PTPRS: variants seen among roughly 807,000 people sequenced by gnomAD.
The protein encoded by PTPRS is protein tyrosine phosphatase receptor type S, also known as receptor-type tyrosine-protein phosphatase S.
In PTPRS, 63 loss-of-function variants were observed where a neutral mutation model predicts 215.3. The ratio of observed to expected loss-of-function variants is 0.29; its 90% CI spans 0.24 to 0.36. PTPRS has a LOEUF of 0.36. Among genes scored for constraint, PTPRS ranks in the 10% least tolerant of loss-of-function variants. PTPRS has a pLI of 1.00. For missense variants in PTPRS, 2,258 were observed against 2,825.8 expected (o/e 0.80, Z 4.56); for synonymous variants, 1,404 against 1,191.4 (o/e 1.18, Z -3.68).
rs1387604087 is a variant in PTPRS, at chr19:5,339,477, T to C, written c.-95+1187A>G. Among the ~76,000 whole-genome samples the C allele has an allele frequency of 1.3e-5, 2 of 151,558 alleles. No homozygotes were observed. Among genetic ancestry groups the C allele is most frequent in the African/African-American group, 4.9e-5 (2 of 41,200 alleles). ...CCAGTTTGTGGGAAAGGTTCCCTGA[T>C]TTGAGGATTCTGGAGAGAAAGCGGC... On this transcript the variant is annotated intron_variant, in intron 1 of 37. Transcript: ENST00000262963. The surrounding 1 kb of genome is among the most constrained non-coding windows in gnomAD (Gnocchi z 4.2).
rs1599955516 is a variant in PTPRS at position 5,285,968 on chromosome 19, G to C, written c.91+82C>G. 5 of 1,334,824 alleles carry C rather than the reference G, an allele frequency of 3.7e-6. No individual in the cohort carries two copies. In the East Asian group the frequency reaches 1.2e-4, roughly 33 times the overall value. 82.7% of individuals were successfully genotyped at this position (1,334,824 alleles called of 1,614,324 possible). A position where few individuals can be genotyped will look rare whatever the true frequency, so the allele number is the denominator to read the frequency against. On this transcript the variant is annotated intron_variant, in intron 2 of 37. Coordinates refer to ENST00000262963, the MANE Select transcript of PTPRS (RefSeq NM_002850.4). ...GAGGGCCCCAGGGAGGAGGTGGGGA[G>C]TGTGCCCACACACACACAGCCATAA...
chr19:5,229,713 G>C (rs796253062), intron 14 of PTPRS, 29 bp from the exon 15 acceptor site: 5 of 1,220,296 alleles, frequency 4.1e-6, no homozygotes, highest in African/African-American at 1.6e-5. Context: ...GGGGAGGGGC[G>C]GGCGGAGCCG....
intron 14 of PTPRS, 137 bp downstream of exon 14, chr19:5,231,173 A>T (rs2042979499): frequency 2.2e-6 from 2 of 918,288 alleles, no homozygotes; most frequent in Non-Finnish European, 3.2e-6. Flanking sequence ...TTTCTCGGGG[A>T]GGCTGCTTGC....
intron 13 of PTPRS, among the ~76,000 whole-genome samples, chr19:5,238,465 G>A (rs1047736745): frequency 6.6e-6 from 1 of 152,168 alleles, no homozygotes; most frequent in Non-Finnish European, 1.5e-5. Flanking sequence ...CGGGGAAGGT[G>A]GGTTCGTCTC....
rs533685228 is a variant in PTPRS, at chr19:5,214,373, G to T, written c.4602C>A (p.Phe1534Leu). ...IELATFCVRT[F>L]SLHKNGSSEK... is the part of the protein sequence containing the mutation. ...GCCTGGGCCCCACCTTGTGCAGAGA[G>T]AATGTCCTGACGCAGAATGTGGCCA... Residue 1534 changes from phenylalanine to leucine, a missense_variant, in exon 30 of 38, where the codon TTC (phenylalanine) becomes TTA (leucine). Physicochemically the swap from Phe to Leu is conservative, Grantham distance 22 (BLOSUM62 0). Transcript: ENST00000262963. The T allele has an allele frequency of 6.2e-7, 1 of 1,614,138 alleles. No individual in the cohort carries two copies. Among genetic ancestry groups the T allele is most frequent in the Admixed American group, 1.7e-5 (1 of 60,024 alleles).
At chr19:5,220,630 A>G (rs904430820) in intron 20 of PTPRS, among the ~76,000 whole-genome samples, 2 of 152,202 alleles carry the variant, frequency 1.3e-5, no homozygotes, top group Non-Finnish European at 2.9e-5. Flanking sequence ...ATGCCCACAT[A>G]ACCTTGTAGC....
chr19:5,265,168 G>A lies in PTPRS; in HGVS notation c.408C>T (p.Asn136=), dbSNP rs1274172830. The stretch of plus-strand genomic sequence containing the variant: ...CCTTCAACTGTGGGCCCATGTCGAT[G>A]TTGGGGAAGCCAGAGGGCAGCTGGT... ...REDQLPSGFP[N]IDMGPQLKVV... Residue 136 remains asparagine, a synonymous_variant, in exon 5 of 38, where the codon AAC becomes AAT. Transcript: ENST00000262963. 4 of 1,613,784 alleles carry A rather than the reference G, an allele frequency of 2.5e-6. No individual in the cohort carries two copies. Among genetic ancestry groups the A allele is most frequent in the African/African-American group, 1.3e-5 (1 of 74,928 alleles).
rs963588085 is a variant in PTPRS at position 5,243,953 on chromosome 19, G to A, written c.1518C>T (p.Ser506=). ...TYTVRVLAFT[S]VGDGPLSDPI... is the part of the protein sequence containing the mutation. The stretch of plus-strand genomic sequence containing the variant: ...GGTCCGAGAGGGGCCCGTCGCCGAC[G>A]GAGGTGAAGGCGAGCACCCGCACGG... Residue 506 remains serine (S), a synonymous_variant, in exon 11 of 38, where the codon TCC becomes TCT. Coordinates refer to ENST00000262963, the MANE Select transcript of PTPRS (RefSeq NM_002850.4). 3.8e-6 allele frequency: 6 copies of A among 1,589,806 alleles called. No homozygotes were observed. The highest frequency in any genetic ancestry group is 5.1e-6 in the Non-Finnish European group (6 of 1,172,414).
rs112560949 is a variant in PTPRS, at chr19:5,279,831, C to T, written c.92-5487G>A. 8.5e-3 allele frequency among the ~76,000 whole-genome samples: 1,295 copies of T among 152,116 alleles called. 17 individuals carry two copies. The highest frequency in any genetic ancestry group is 0.029 in the African/African-American group (1,212 of 41,490). On this transcript the variant is annotated intron_variant, in intron 2 of 37. Coordinates refer to ENST00000262963, the MANE Select transcript of PTPRS (RefSeq NM_002850.4). ...CCGAGTAGCTGGGACTATAGGCGCC[C>T]GCCACCATGCCTGGCTAATTTTTTT...
chr19:5,273,795 A>G (rs557804116), intron 3 of PTPRS, among the ~76,000 whole-genome samples: 1 of 152,218 alleles, frequency 6.6e-6, no homozygotes, highest in African/African-American at 2.4e-5. Context: ...TACATATAAG[A>G]ACAGGGTGTT....
chr19:5,225,883 TGGGA>T, intron 16 of PTPRS, 39 bp from the exon 17 acceptor site: 1 of 1,560,598 alleles, frequency 6.4e-7, no homozygotes, highest in Non-Finnish European at 8.8e-7. Flanking sequence ...CGGCTGGGGC[TGGGA>T]GCAGCCCCAC....
intron 30 of PTPRS, among the ~76,000 whole-genome samples, chr19:5,213,995 T>A (rs2145119185): frequency 6.6e-6 from 1 of 152,338 alleles, no homozygotes; most frequent in Non-Finnish European, 1.5e-5. Context: ...GTCTGGAGAC[T>A]CCTTGAAGGC....
chr19:5,253,408 G>C (rs1343290288), intron 9 of PTPRS, among the ~76,000 whole-genome samples: 2 of 152,144 alleles, frequency 1.3e-5, no homozygotes, highest in African/African-American at 4.8e-5. Context: ...TGGCTGCTCT[G>C]GCAACAATGT....
chr19:5,301,250 C>T (rs570501684), intron 1 of PTPRS, among the ~76,000 whole-genome samples: 1 of 129,078 alleles, frequency 7.7e-6, no homozygotes, highest in South Asian at 2.3e-4. Context: ...GGCCCCATTG[C>T]CAGCCTGGGC....
intron 16 of PTPRS, among the ~76,000 whole-genome samples, chr19:5,226,558 T>TC (rs1486171598): frequency 6.7e-6 from 1 of 149,102 alleles, no homozygotes; most frequent in Non-Finnish European, 1.5e-5. Flanking sequence ...TGGTGAAACT[T>TC]CGTCTCTACT....
At chr19:5,220,481 C>G (rs2041884634) in intron 20 of PTPRS, 128 bp from the exon 21 acceptor site, 10 of 786,152 alleles carry the variant, frequency 1.3e-5, no homozygotes, top group Non-Finnish European at 1.9e-5. Flanking sequence ...GCCTATTCCC[C>G]TATGCCCCAT....
In PTPRS at chr19:5,206,619, G is replaced by GGGGCT. The variant is rs553493835; in HGVS notation, c.*150_*154dup. The GGGGCT allele has an allele frequency of 4.8e-5, 30 of 622,054 alleles. No homozygotes were observed. The South Asian group carries it at 5.6e-4, about 12-fold the overall frequency. 38.5% of individuals were successfully genotyped at this position (622,054 alleles called of 1,614,324 possible). A position where few individuals can be genotyped will look rare whatever the true frequency, so the allele number is the denominator to read the frequency against. ...GGCCGGGGCCGGTGGGGGGGCTCGA[G>GGGGCT]GGGCTGCGTCGTCCTCGGAAATGGT... On this transcript the variant is annotated 3_prime_UTR_variant, in exon 38 of 38. Coordinates refer to ENST00000262963, the MANE Select transcript of PTPRS (RefSeq NM_002850.4).
chr19:5,247,536 C>G (rs2146025450), intron 9 of PTPRS, among the ~76,000 whole-genome samples: 1 of 152,288 alleles, frequency 6.6e-6, no homozygotes, highest in South Asian at 2.1e-4. Context: ...GTCTCAGGTC[C>G]TAAAGAAGAC....
chr19:5,229,711 G>A (rs2042854131), intron 14 of PTPRS, 27 bp from the exon 15 acceptor site: 1 of 1,223,926 alleles, frequency 8.2e-7, no homozygotes, highest in African/African-American at 1.6e-5. Context: ...GAGGGGAGGG[G>A]CGGGCGGAGC....
Sources: allele counts gnomAD v4.1 joint callset (sites outside exome capture counted in the v4.1 genomes callset), GRCh38; gene constraint gnomAD v4.1.1; non-coding constraint Gnocchi (gnomAD v3.1); transcripts MANE v1.5; gene names NCBI Gene and HGNC (gene_info 2026-07-23, HGNC 2026-07-21).